Variants in CCDC149 observed in about 807,000 individuals in gnomAD.
CCDC149 encodes coiled-coil domain-containing protein 149.
In CCDC149, 45 loss-of-function variants were observed where a neutral mutation model predicts 59.9. The ratio of observed to expected loss-of-function variants is 0.75; its 90% confidence interval spans 0.59 to 0.96. The LOEUF (loss-of-function observed/expected upper bound fraction) is 0.96, where lower values mean the gene tolerates loss of function less well. Among genes scored for constraint, CCDC149 ranks in the 40% least tolerant of loss-of-function variants. The probability of loss-of-function intolerance (pLI) is 0.00; values close to 1 mark genes in which losing one functional copy is unlikely to be tolerated. For synonymous variants in CCDC149, 245 were observed against 260.6 expected, an observed-to-expected ratio of 0.94 and a Z score of 0.58; for missense variants, 584 against 664.7, an observed-to-expected ratio of 0.88 and a Z score of 1.33.
At chr4:24,870,707 T>C (rs1407549133) in intron 3 of CCDC149, among the ~76,000 whole-genome samples, 3 of 152,186 alleles carry the variant, frequency 2.0e-5, no homozygotes, top group Admixed American at 1.3e-4. Context: ...CCTAAAACTA[T>C]AAAACTCCTT....
chr4:24,969,993 A>T (rs2109366526), intron 1 of CCDC149, among the ~76,000 whole-genome samples: 2 of 152,298 alleles, frequency 1.3e-5, no homozygotes, highest in South Asian at 4.1e-4. Context: ...GCCACCTATT[A>T]TGAGCTCCCC....
chr4:24,805,287 G>C (rs1269627556), downstream of CCDC149, among the ~76,000 whole-genome samples: 1 of 152,146 alleles, frequency 6.6e-6, no homozygotes, highest in African/African-American at 2.4e-5. Flanking sequence ...AAACACGTCT[G>C]AACAGGCAAA....
chr4:24,950,328 C>T (rs1235507793), intron 1 of CCDC149, among the ~76,000 whole-genome samples: 1 of 152,220 alleles, frequency 6.6e-6, no homozygotes, highest in African/African-American at 2.4e-5. Context: ...CTAATCCAAC[C>T]TCATAGGTGG....
At chr4:24,913,743 A>G (rs1722033219), upstream of CCDC149, among the ~76,000 whole-genome samples, 1 of 152,210 alleles carries the variant, frequency 6.6e-6, no homozygotes, top group African/African-American at 2.4e-5. Flanking sequence ...CAGGAGTTCA[A>G]GAGCAGCCTC....
intron 2 of CCDC149, among the ~76,000 whole-genome samples, chr4:24,875,311 C>T (rs998060603): frequency 2.1e-4 from 31 of 146,584 alleles, no homozygotes; most frequent in African/African-American, 7.7e-4. Flanking sequence ...GCCTGGGCCA[C>T]AGAGCGAGAA....
At chr4:24,906,411 C>A (rs4697497) in intron 1 of CCDC149, among the ~76,000 whole-genome samples, 4 of 136,048 alleles carry the variant, frequency 2.9e-5, no homozygotes, top group African/African-American at 1.1e-4. Context: ...TTTTATTTTA[C>A]TTTATTTGAG....
chr4:24,830,595 C>G (rs1560206280), intron 9 of CCDC149: 1 of 152,194 alleles, frequency 6.6e-6, no homozygotes, highest in African/African-American at 2.4e-5. Flanking sequence ...TCGTCAGGCC[C>G]CGGATTCTCT....
downstream of CCDC149, among the ~76,000 whole-genome samples, chr4:24,804,093 C>T (rs1353048793): frequency 7.2e-5 from 11 of 152,096 alleles, no homozygotes; most frequent in Admixed American, 7.2e-4. Flanking sequence ...CTTTTGACAT[C>T]CTATCTAGTC....
intron 1 of CCDC149, among the ~76,000 whole-genome samples, chr4:24,927,022 A>C (rs1476702388): frequency 6.6e-6 from 1 of 152,160 alleles, no homozygotes; most frequent in Non-Finnish European, 1.5e-5. Flanking sequence ...CCAGCCTCCG[A>C]AGTCAGGCAT....
At chr4:24,909,196 C>T (rs903520491) in intron 1 of CCDC149, among the ~76,000 whole-genome samples, 1 of 152,160 alleles carries the variant, frequency 6.6e-6, no homozygotes, top group African/African-American at 2.4e-5. Flanking sequence ...GAGGAAGCAA[C>T]TGATTGAAAG....
chr4:24,963,426 G>A (rs973975183), intron 1 of CCDC149, among the ~76,000 whole-genome samples: 7 of 152,056 alleles, frequency 4.6e-5, no homozygotes, highest in East Asian at 1.9e-4. Context: ...TTGGGTAGTC[G>A]CCACTAGGAT....
At chr4:24,954,295 T>A (rs1213402812) in intron 1 of CCDC149, among the ~76,000 whole-genome samples, 4 of 152,130 alleles carry the variant, frequency 2.6e-5, no homozygotes, top group Non-Finnish European at 4.4e-5. Context: ...GCTTGCAGAT[T>A]TTCCAGGCAG....
rs554943841 is a variant in CCDC149 at position 24,910,841 on chromosome 4, A to G, written c.63+1976T>C. ...TGTTTCCTTATCTGTAAAATAAGAAAGAATTCCTACCTTATGTCATTGTGA... is the reference window on the plus strand; with the variant it reads ...TGTTTCCTTATCTGTAAAATAAGAAGGAATTCCTACCTTATGTCATTGTGA... On this transcript the variant is annotated intron_variant, in intron 1 of 12. Coordinates refer to ENST00000635206, the MANE Select transcript of CCDC149 (RefSeq NM_001330643.2). Among the ~76,000 whole-genome samples the G allele has an allele frequency of 3.9e-5, 6 of 152,358 alleles. No individual in the cohort carries two copies. The East Asian group carries it at 5.8e-4, about 15-fold the overall frequency.
At chr4:24,822,128 T>G (rs1200802814) in intron 10 of CCDC149, among the ~76,000 whole-genome samples, 1 of 152,282 alleles carries the variant, frequency 6.6e-6, no homozygotes, top group East Asian at 1.9e-4. Context: ...ATAATGAAAT[T>G]GAACAAATTG....
At chr4:24,845,235 C>T (rs917996112) in intron 4 of CCDC149, among the ~76,000 whole-genome samples, 2 of 152,222 alleles carry the variant, frequency 1.3e-5, no homozygotes, top group Admixed American at 1.3e-4. Flanking sequence ...GCTCGCTCCC[C>T]TCACAGGGTC....
intron 1 of CCDC149, among the ~76,000 whole-genome samples, chr4:24,967,928 C>A (rs138916305): frequency 4.7e-4 from 72 of 152,182 alleles, no homozygotes; most frequent in African/African-American, 1.5e-3. Context: ...ATATCCCAGG[C>A]CCACCATGGT....
intron 8 of CCDC149, among the ~76,000 whole-genome samples, chr4:24,833,272 T>G (rs1716275723): frequency 6.6e-6 from 1 of 152,018 alleles, no homozygotes; most frequent in Admixed American, 6.6e-5. Context: ...ATATTATTCA[T>G]CATTAATATC....
At chr4:24,876,814 A>C in intron 1 of CCDC149, 117 bp from the exon 2 acceptor site, 117 of 1,004,836 alleles carry the variant, frequency 1.2e-4, no homozygotes, top group Non-Finnish European at 1.4e-4. Flanking sequence ...TTTAGAGCTC[A>C]TGTGCCGAGA....
At chr4:24,923,058 A>G (rs948573384) in intron 1 of CCDC149, among the ~76,000 whole-genome samples, 4 of 152,058 alleles carry the variant, frequency 2.6e-5, no homozygotes, top group Admixed American at 1.3e-4. Context: ...AAAGAGAGAG[A>G]GTCTATTATC....
Sources: gnomAD v4.1 joint callset for allele counts (sites outside exome capture counted in the v4.1 genomes callset) on GRCh38, gnomAD v4.1.1 for gene constraint, MANE v1.5 for transcripts, NCBI Gene and HGNC (gene_info 2026-07-23, HGNC 2026-07-21) for gene names.